Variants in TBC1D19 observed in about 807,000 individuals in gnomAD.
TBC1D19 encodes TBC1 domain family member 19.
TBC1D19 carries 60 observed loss-of-function variants against 89.0 expected under a neutral mutation model. That is an observed-to-expected ratio of 0.67 (90% CI 0.55 to 0.84). The LOEUF (loss-of-function observed/expected upper bound fraction) is 0.84, where lower values mean the gene tolerates loss of function less well. TBC1D19 is among the 40% of genes least tolerant of loss of function. The pLI is 0.00. For synonymous variants in TBC1D19, 189 were observed against 199.7 expected, an observed-to-expected ratio of 0.95 and a Z score of 0.45; for missense variants, 500 against 610.8, an observed-to-expected ratio of 0.82 and a Z score of 1.91.
intron 4 of TBC1D19, among the ~76,000 whole-genome samples, chr4:26,630,605 A>C (rs1198345579): frequency 6.6e-6 from 1 of 152,000 alleles, no homozygotes; most frequent in African/African-American, 2.4e-5. Flanking sequence ...GTGGACCTCA[A>C]GTTTATCCAT....
At chr4:26,822,986 T>C in the TBC1D19 span, among the ~76,000 whole-genome samples, 2 of 152,190 alleles carry the variant, frequency 1.3e-5, no homozygotes, top group Non-Finnish European at 2.9e-5. Context: ...AGGAGTAGAC[T>C]GTACTTGACT....
At chr4:26,674,918 A>G (rs1712657237) in intron 11 of TBC1D19, among the ~76,000 whole-genome samples, 2 of 152,020 alleles carry the variant, frequency 1.3e-5, no homozygotes, top group African/African-American at 4.8e-5. Flanking sequence ...ACCCTTGCAA[A>G]CTATGTATAC....
intron 4 of TBC1D19, 61 bp from the exon 5 acceptor site, chr4:26,637,149 AT>A: frequency 8.4e-7 from 1 of 1,191,904 alleles, no homozygotes; most frequent in Non-Finnish European, 1.2e-6. Context: ...AATATCTTTA[AT>A]TTTTTTATTA....
rs1001193534 is a variant in TBC1D19, at chr4:26,755,294, A to T, written c.*347A>T. The T allele has an allele frequency of 6.5e-6, 1 of 152,682 alleles. No homozygotes were observed. The highest frequency in any genetic ancestry group is 2.4e-5 in the African/African-American group (1 of 41,430). 9.5% of individuals were successfully genotyped at this position (152,682 alleles called of 1,614,324 possible). A position where few individuals can be genotyped will look rare whatever the true frequency, so the allele number is the denominator to read the frequency against. ...GATACTGTAATAAACTTCAAGAGGT[A>T]ATGTAGCTTCTTGGATAATTCTTTT... On this transcript the variant is annotated 3_prime_UTR_variant, in exon 21 of 21. Coordinates refer to ENST00000264866, the MANE Select transcript of TBC1D19 (RefSeq NM_018317.4).
At chr4:26,826,740 T>C in the TBC1D19 span, among the ~76,000 whole-genome samples, 1 of 152,248 alleles carries the variant, frequency 6.6e-6, no homozygotes, top group Admixed American at 6.5e-5. Flanking sequence ...CAGGAAAGAC[T>C]ACTGTTTTAA....
chr4:26,694,597 C>T (rs1483057622), intron 13 of TBC1D19, among the ~76,000 whole-genome samples: 1 of 152,220 alleles, frequency 6.6e-6, no homozygotes, highest in Non-Finnish European at 1.5e-5. Context: ...ACGGCCTCCT[C>T]AAGTGGGTCC....
chr4:26,724,158 C>T (rs1242440034), intron 15 of TBC1D19, among the ~76,000 whole-genome samples: 1 of 152,102 alleles, frequency 6.6e-6, no homozygotes, highest in Non-Finnish European at 1.5e-5. Context: ...GTGTGACTGG[C>T]AATAGTGAGC....
chr4:26,697,760 C>T (rs1414194304), intron 13 of TBC1D19, among the ~76,000 whole-genome samples: 1 of 152,148 alleles, frequency 6.6e-6, no homozygotes, highest in Non-Finnish European at 1.5e-5. Flanking sequence ...AAGACAAAAA[C>T]CACATGATTA....
At chr4:26,839,649 C>A in the TBC1D19 span, among the ~76,000 whole-genome samples, 3 of 152,132 alleles carry the variant, frequency 2.0e-5, no homozygotes, top group African/African-American at 4.8e-5. Flanking sequence ...TTCATCACCT[C>A]CCATTCACTT....
Position 26,710,445 on chromosome 4 carries a change from G to A in TBC1D19, c.955-7488G>A, listed in dbSNP as rs549277733. 2.6e-5 allele frequency among the ~76,000 whole-genome samples: 4 copies of A among 152,196 alleles called. No individual in the cohort carries two copies. The East Asian group carries it at 7.7e-4, about 29-fold the overall frequency. On this transcript the variant is annotated intron_variant, in intron 13 of 20. Transcript: ENST00000264866. ...CCGGTCTATCATTGTTGGACATTTG[G>A]GTTGGTTCCAAGTCTTTGCTATTGT...
chr4:26,835,987 C>G, the TBC1D19 span, among the ~76,000 whole-genome samples: 1 of 151,764 alleles, frequency 6.6e-6, no homozygotes, highest in African/African-American at 2.4e-5. Context: ...CTCTCTCTCT[C>G]TCTCTCTCTC....
At position 26,672,138 on chromosome 4, in the gene TBC1D19, T is replaced by A. The variant is rs192543416; in HGVS notation, c.665-11T>A. On this transcript the variant is annotated splice_polypyrimidine_tract_variant and intron_variant, in intron 9 of 20. Coordinates refer to ENST00000264866, the MANE Select transcript of TBC1D19 (RefSeq NM_018317.4). ...CATGTCTAATAATTTTAATTTTTTT[T>A]TAATTTTTAGAACTTTTTGAAAATG... The A allele has an allele frequency of 7.4e-3, 8,196 of 1,113,250 alleles. 61 individuals carry two copies. Among genetic ancestry groups the A allele is most frequent in the Non-Finnish European group, 8.8e-3 (7,257 of 822,038 alleles). 69.0% of individuals were successfully genotyped at this position (1,113,250 alleles called of 1,614,324 possible).
chr4:26,738,308 A>G (rs1718158660), intron 16 of TBC1D19, among the ~76,000 whole-genome samples: 1 of 151,520 alleles, frequency 6.6e-6, no homozygotes, highest in African/African-American at 2.4e-5. Context: ...TACTGAATCC[A>G]TACCATCTTC....
At chr4:26,721,466 C>T (rs1340819885) in intron 15 of TBC1D19, among the ~76,000 whole-genome samples, 1 of 152,042 alleles carries the variant, frequency 6.6e-6, no homozygotes, top group Non-Finnish European at 1.5e-5. Context: ...TCCACACCAT[C>T]CCCGCTGCCT....
intron 12 of TBC1D19, among the ~76,000 whole-genome samples, chr4:26,686,215 G>A (rs1207839021): frequency 6.6e-6 from 1 of 152,110 alleles, no homozygotes. Flanking sequence ...TCTTTTAAAG[G>A]TTAAAGGAAT....
At position 26,635,756 on chromosome 4, in the gene TBC1D19, C is replaced by T. The variant is rs150388313; in HGVS notation, c.295-1455C>T. Among the ~76,000 whole-genome samples, 455 of 152,100 alleles carry T rather than the reference C, an allele frequency of 3.0e-3. 3 individuals are homozygous for T. Among genetic ancestry groups the T allele is most frequent in the Non-Finnish European group, 4.8e-3 (329 of 67,960 alleles). On this transcript the variant is annotated intron_variant, in intron 4 of 20. Coordinates refer to ENST00000264866, the MANE Select transcript of TBC1D19 (RefSeq NM_018317.4). ...GGTGGAGGACAGGGTGTTATGAAAGCCCATAAGCAAAGTCACCTAATGCTA... is the reference window on the plus strand; with the variant it reads ...GGTGGAGGACAGGGTGTTATGAAAGTCCATAAGCAAAGTCACCTAATGCTA...
chr4:26,626,511 A>G (rs961092093), intron 4 of TBC1D19, among the ~76,000 whole-genome samples: 2 of 152,136 alleles, frequency 1.3e-5, no homozygotes, highest in Admixed American at 6.6e-5. Context: ...ATGTGGTCTT[A>G]GTTCTCACTT....
chr4:26,634,338 G>A (rs1295024427), intron 4 of TBC1D19, among the ~76,000 whole-genome samples: 1 of 151,970 alleles, frequency 6.6e-6, no homozygotes, highest in Admixed American at 6.6e-5. Flanking sequence ...TTATTCAGGG[G>A]CAATATTGTG....
At chr4:26,844,274 C>T in the TBC1D19 span, among the ~76,000 whole-genome samples, 25 of 152,192 alleles carry the variant, frequency 1.6e-4, 1 homozygote, top group Non-Finnish European at 2.9e-4. Flanking sequence ...TAAATCAGCC[C>T]TCTGCCCCAT....
Sources: allele counts gnomAD v4.1 joint callset (sites outside exome capture counted in the v4.1 genomes callset), GRCh38; gene constraint gnomAD v4.1.1; transcripts MANE v1.5; gene names NCBI Gene and HGNC (gene_info 2026-07-23, HGNC 2026-07-21).